STEAP2: variants seen among roughly 807,000 people sequenced by gnomAD.
STEAP2 encodes metalloreductase STEAP2.
In STEAP2, 30 loss-of-function variants were observed where a neutral mutation model predicts 46.4. The ratio of observed to expected loss-of-function variants is 0.65; its 90% confidence interval spans 0.48 to 0.88. The LOEUF (loss-of-function observed/expected upper bound fraction) is 0.88, where lower values mean the gene tolerates loss of function less well. Among genes scored for constraint, STEAP2 ranks in the 40% least tolerant of loss-of-function variants. The pLI is 0.00. For synonymous variants in STEAP2, 180 were observed against 200.5 expected (o/e 0.90, Z 0.86); for missense variants, 513 against 579.3 (o/e 0.89, Z 1.18).
chr7:90,230,364 A>G (rs549550781), intron 5 of STEAP2, among the ~76,000 whole-genome samples: 1 of 152,192 alleles, frequency 6.6e-6, no homozygotes, highest in Admixed American at 6.5e-5. Flanking sequence ...TCAATTTATT[A>G]TTAGCCAAGT....
chr7:90,232,558 A>G lies in STEAP2; in HGVS notation c.1407A>G (p.Gln469=). Residue 469 remains glutamine (Q), a synonymous_variant, in exon 6 of 6, where the codon CAA becomes CAG. Transcript: ENST00000394621. ...KRIKKGWEKS[Q]FLEEGMGGTI... ...TTAAAAAAGGCTGGGAAAAGAGCCA[A>G]TTTCTGGAAGAAGGTATGGGAGGAA... is the stretch of plus-strand genomic sequence containing the variant. 1 of 1,613,714 alleles carries G rather than the reference A, an allele frequency of 6.2e-7. No individual in the cohort carries two copies. Among genetic ancestry groups the G allele is most frequent in the Non-Finnish European group, 8.5e-7 (1 of 1,179,712 alleles).
chr7:90,229,904 G>A lies in STEAP2; in HGVS notation c.1053G>A (p.Glu351=). 4 of 1,613,082 alleles carry A rather than the reference G, an allele frequency of 2.5e-6. No homozygotes were observed. Among genetic ancestry groups the A allele is most frequent in the Non-Finnish European group, 3.4e-6 (4 of 1,179,422 alleles). Residue 351 remains glutamate, a synonymous_variant, in exon 5 of 6, where the codon GAG becomes GAA. Transcript: ENST00000394621. Reference sequence around the variant, plus strand: ...CAAATATTGAAAACTCTTGGAATGAGGAAGAAGTTTGGAGAATTGAAATGT... The same window carrying A: ...CAAATATTGAAAACTCTTGGAATGAAGAAGAAGTTTGGAGAATTGAAATGT... ...VHANIENSWN[E]EEVWRIEMYI... is the part of the protein sequence containing the mutation.
downstream of STEAP2, among the ~76,000 whole-genome samples, chr7:90,239,917 T>C (rs1796041553): frequency 6.6e-6 from 1 of 152,224 alleles, no homozygotes; most frequent in Non-Finnish European, 1.5e-5. Context: ...AAGAGGTAAT[T>C]ACTTTTGTTT....
chr7:90,239,286 G>A (rs1796030304), downstream of STEAP2, among the ~76,000 whole-genome samples: 1 of 152,168 alleles, frequency 6.6e-6, no homozygotes, highest in Non-Finnish European at 1.5e-5. Context: ...AAGTAAAAGG[G>A]AGAAGACGGC....
Position 90,236,756 on chromosome 7 carries a change from A to G in STEAP2, c.*4132A>G. 1.4e-6 allele frequency: 2 copies of G among 1,432,234 alleles called. No homozygotes were observed. Among genetic ancestry groups the G allele is most frequent in the South Asian group, 1.6e-5 (1 of 64,026 alleles). The allele number at this position is 1,432,234 out of a possible 1,614,324, so 88.7% of individuals were successfully genotyped here. On this transcript the variant is annotated 3_prime_UTR_variant, in exon 6 of 6. Coordinates refer to ENST00000394621, the MANE Select transcript of STEAP2 (RefSeq NM_001244944.2). ...ATTATTGAATTTCCATCATGCATTC[A>G]TCCAAAATTAAGGCAGACTGTTTGG... is the stretch of plus-strand genomic sequence containing the variant.
At position 90,235,758 on chromosome 7, in the gene STEAP2, G is replaced by C. The variant is rs1795942437; in HGVS notation, c.*3134G>C. 1 of 792,750 alleles carries C rather than the reference G, an allele frequency of 1.3e-6. No homozygotes were observed. The highest frequency in any genetic ancestry group is 6.3e-5 in the Admixed American group (1 of 15,998). The allele number at this position is 792,750 out of a possible 1,614,324, so 49.1% of individuals were successfully genotyped here. ...CATATTTAAATATGAATCTATTCAT[G>C]CTAACATTATTTTTCAAAACATACA... On this transcript the variant is annotated 3_prime_UTR_variant, in exon 6 of 6. Coordinates refer to ENST00000394621, the MANE Select transcript of STEAP2 (RefSeq NM_001244944.2).
Position 90,233,060 on chromosome 7 carries a change from T to C in STEAP2, c.*436T>C. 1.0e-6 allele frequency: 1 copy of C among 974,148 alleles called. No individual in the cohort carries two copies. 60.3% of individuals were successfully genotyped at this position (974,148 alleles called of 1,614,324 possible). A position where few individuals can be genotyped will look rare whatever the true frequency, so the allele number is the denominator to read the frequency against. ...AACTTAAAAAGTAGAAATGCATTAT[T>C]ATACATTTTTTTAAGAAAGGACACG... On this transcript the variant is annotated 3_prime_UTR_variant, in exon 6 of 6. Coordinates refer to ENST00000394621, the MANE Select transcript of STEAP2 (RefSeq NM_001244944.2).
Position 90,225,093 on chromosome 7 carries a change from T to C in STEAP2, c.11T>C (p.Ile4Thr). 6.2e-7 allele frequency: 1 copy of C among 1,613,072 alleles called. No homozygotes were observed. The highest frequency in any genetic ancestry group is 8.5e-7 in the Non-Finnish European group (1 of 1,179,532). The change falls in exon 3 of 6, where the codon ATC (isoleucine) becomes ACC (threonine). Residue 4 changes from isoleucine (I) to threonine (T), a missense_variant. Transcript: ENST00000394621. The part of the protein sequence containing the change: MES[I>T]SMMGSPKSLS... ...GGAAGTGTCCGTATCATGGAATCAA[T>C]CTCTATGATGGGAAGCCCTAAGAGC...
intron 2 of STEAP2, among the ~76,000 whole-genome samples, chr7:90,219,675 G>T (rs571442701): frequency 3.9e-5 from 6 of 152,058 alleles, no homozygotes; most frequent in African/African-American, 1.4e-4. Flanking sequence ...ATGTGTGTGT[G>T]TTTTTTTTAT....
In STEAP2 at chr7:90,227,457, A is replaced by G; in HGVS notation, c.979A>G (p.Arg327Gly). Residue 327 changes from arginine (R) to glycine (G), a missense_variant, in exon 4 of 6, where the codon AGG (arginine) becomes GGG (glycine). By Grantham distance (125) the Arg-to-Gly change is moderately radical (BLOSUM62 -2). Transcript: ENST00000394621. Reference sequence around the variant, plus strand: ...CTACAGCCTCTGCTTACCGATGAGAAGGTCAGAGAGATATTTGTTTCTCAA... The same window carrying G: ...CTACAGCCTCTGCTTACCGATGAGAGGGTCAGAGAGATATTTGTTTCTCAA... ...VAYSLCLPMR[R>G]SERYLFLNMA... 1 of 1,595,960 alleles carries G rather than the reference A, an allele frequency of 6.3e-7. No individual in the cohort carries two copies. The highest frequency in any genetic ancestry group is 8.6e-7 in the Non-Finnish European group (1 of 1,166,188).
At chr7:90,242,398 A>G (rs114738024), downstream of STEAP2, among the ~76,000 whole-genome samples, 837 of 152,360 alleles carry the variant, frequency 5.5e-3, 5 homozygotes, top group African/African-American at 0.019. Flanking sequence ...TATCAGCTTC[A>G]GCCTGTGCTG....
intron 2 of STEAP2, among the ~76,000 whole-genome samples, chr7:90,221,265 T>G (rs1795248564): frequency 6.6e-6 from 1 of 152,146 alleles, no homozygotes; most frequent in Non-Finnish European, 1.5e-5. Context: ...TCCTTTTAGA[T>G]CTGATAACAC....
At chr7:90,239,342 C>T (rs1417114623), downstream of STEAP2, among the ~76,000 whole-genome samples, 1 of 152,192 alleles carries the variant, frequency 6.6e-6, no homozygotes, top group Non-Finnish European at 1.5e-5. Context: ...CTGCCAACAC[C>T]TTAGTCTTCA....
At chr7:90,218,204 T>C (rs998120727) in intron 2 of STEAP2, among the ~76,000 whole-genome samples, 1 of 152,182 alleles carries the variant, frequency 6.6e-6, no homozygotes, top group Non-Finnish European at 1.5e-5. Flanking sequence ...TATTTTCTTC[T>C]ATTCAATAGG....
intron 2 of STEAP2, among the ~76,000 whole-genome samples, chr7:90,218,785 G>A (rs1387252641): frequency 6.6e-6 from 1 of 152,050 alleles, no homozygotes; most frequent in African/African-American, 2.4e-5. Flanking sequence ...TGAATTTTAG[G>A]ATTGTCTTTT....
intron 2 of STEAP2, among the ~76,000 whole-genome samples, chr7:90,224,496 A>C (rs1269856010): frequency 6.6e-6 from 1 of 152,194 alleles, no homozygotes; most frequent in Non-Finnish European, 1.5e-5. Context: ...CTCTGCAAGG[A>C]GCAGTACCTC....
chr7:90,238,991 T>C (rs142439507), downstream of STEAP2, among the ~76,000 whole-genome samples: 1 of 152,340 alleles, frequency 6.6e-6, no homozygotes, highest in East Asian at 1.9e-4. Flanking sequence ...TAGGCGAGAA[T>C]ACCATTTGTG....
Position 90,235,032 on chromosome 7 carries a change from T to G in STEAP2, c.*2408T>G, listed in dbSNP as rs1795914324. 1.0e-6 allele frequency: 1 copy of G among 956,040 alleles called. No individual in the cohort carries two copies. Among genetic ancestry groups the G allele is most frequent in the Admixed American group, 6.2e-5 (1 of 16,230 alleles). The allele number at this position is 956,040 out of a possible 1,614,324, so 59.2% of individuals were successfully genotyped here. A position where few individuals can be genotyped will look rare whatever the true frequency, so the allele number is the denominator to read the frequency against. ...ATAACAGCGTATTTTCAATATTTTC[T>G]TATTCCTTAAATTCCACTCTTTTAA... is the stretch of plus-strand genomic sequence containing the variant. On this transcript the variant is annotated 3_prime_UTR_variant, in exon 6 of 6. Transcript: ENST00000394621.
intron 2 of STEAP2, among the ~76,000 whole-genome samples, chr7:90,220,508 G>A (rs574443314): frequency 2.0e-5 from 3 of 152,100 alleles, no homozygotes; most frequent in African/African-American, 7.2e-5. Flanking sequence ...TTTTATTGGA[G>A]TATTTCCTCT....
Sources: allele counts gnomAD v4.1 joint callset (sites outside exome capture counted in the v4.1 genomes callset), GRCh38; gene constraint gnomAD v4.1.1; transcripts MANE v1.5; gene names NCBI Gene and HGNC (gene_info 2026-07-23, HGNC 2026-07-21).